Variants in ATP5MC2 observed in about 807,000 individuals in gnomAD.
ATP5MC2 encodes the protein ATP synthase membrane subunit c locus 2, also known as ATP synthase F(0) complex subunit C2, mitochondrial.
ATP5MC2 carries 11 observed loss-of-function variants against 13.5 expected under a neutral mutation model. That is an observed-to-expected ratio of 0.81 (90% CI 0.51 to 1.35). The LOEUF (loss-of-function observed/expected upper bound fraction) is 1.35. ATP5MC2 is among the 40% of genes most tolerant of loss of function. The probability of loss-of-function intolerance (pLI) is 0.00; values close to 1 mark genes in which losing one functional copy is unlikely to be tolerated. For synonymous variants in ATP5MC2, 64 were observed against 69.7 expected, an observed-to-expected ratio of 0.92 and a Z score of 0.41; for missense variants, 132 against 175.0, an observed-to-expected ratio of 0.75 and a Z score of 1.39.
At chr12:53,676,128 C>T (rs757940602), upstream of ATP5MC2, 15 of 1,614,244 alleles carry the variant, frequency 9.3e-6, no homozygotes, top group South Asian at 1.6e-4. Context: ...GCATGCGTGA[C>T]CCGGGCCAAC....
At chr12:53,676,403 C>A, upstream of ATP5MC2, 1 of 621,892 alleles carries the variant, frequency 1.6e-6, no homozygotes, top group Non-Finnish European at 2.7e-6. Context: ...GTCACACTGC[C>A]AAAACAAAAC....
upstream of ATP5MC2, chr12:53,677,523 C>T (rs990945712): frequency 6.6e-6 from 1 of 152,226 alleles, no homozygotes; most frequent in Non-Finnish European, 1.5e-5. Context: ...CACCGATCCT[C>T]CATCTGCATT....
At chr12:53,670,386 T>C (rs1041090935) in intron 2 of ATP5MC2, 3 of 334,436 alleles carry the variant, frequency 9.0e-6, no homozygotes, top group Admixed American at 8.6e-5. Flanking sequence ...CCAAACACCA[T>C]AGTCTGGCCT....
chr12:53,673,606 G>C (rs1275664526), intron 1 of ATP5MC2: 5 of 153,406 alleles, frequency 3.3e-5, no homozygotes, highest in Non-Finnish European at 5.8e-5. Flanking sequence ...GGTAGATCAC[G>C]AGGTCAGGAG....
intron 1 of ATP5MC2, 132 bp downstream of exon 1, chr12:53,675,921 T>C (rs1945250546): frequency 6.7e-6 from 9 of 1,349,148 alleles, no homozygotes; most frequent in Non-Finnish European, 9.0e-6. Flanking sequence ...GGCTAAGGGA[T>C]AGCGGAAGCA....
intron 2 of ATP5MC2, among the ~76,000 whole-genome samples, chr12:53,670,875 G>A (rs1054336018): frequency 1.3e-5 from 2 of 151,704 alleles, no homozygotes; most frequent in East Asian, 1.9e-4. Flanking sequence ...CACCCACCTC[G>A]GCTTCCCAAG....
chr12:53,676,506 G>C (rs923963980), upstream of ATP5MC2: 4 of 270,396 alleles, frequency 1.5e-5, no homozygotes, highest in East Asian at 1.6e-4. Context: ...CCTGCTTTCT[G>C]TCGCGCCGGG....
chr12:53,670,642 G>A (rs1945069851), intron 2 of ATP5MC2, among the ~76,000 whole-genome samples: 2 of 150,232 alleles, frequency 1.3e-5, no homozygotes, highest in South Asian at 4.2e-4. Context: ...TTTTTGAGAC[G>A]GAGTCTTGCT....
upstream of ATP5MC2, chr12:53,676,945 C>T (rs1945292318): frequency 6.6e-6 from 1 of 152,476 alleles, no homozygotes; most frequent in Non-Finnish European, 1.5e-5. Flanking sequence ...TCCTAGGCCT[C>T]CTTGTCTCCC....
intron 1 of ATP5MC2, among the ~76,000 whole-genome samples, chr12:53,675,410 A>G (rs1254442410): frequency 6.6e-6 from 1 of 152,168 alleles, no homozygotes; most frequent in Non-Finnish European, 1.5e-5. Flanking sequence ...GCGTGCCGGG[A>G]TGCGAGAAAG....
rs762726781 is a variant in ATP5MC2 at position 53,669,830 on chromosome 12, A to G, written c.117+41T>C. 1.9e-6 allele frequency: 3 copies of G among 1,600,858 alleles called. No individual in the cohort carries two copies. The Admixed American group carries it at 5.0e-5, about 27-fold the overall frequency. On this transcript the variant is annotated intron_variant, in intron 3 of 4. Transcript: ENST00000394349. ...TTCTGGCAGGTAACCCTCCCCACCC[A>G]TCACCCCCAAAACCACAGTCCCAAC...
At chr12:53,673,255 G>T (rs1201180504) in intron 1 of ATP5MC2, 3 of 152,576 alleles carry the variant, frequency 2.0e-5, no homozygotes, top group African/African-American at 4.8e-5. Flanking sequence ...GGAGGCGGAG[G>T]TTGCAGTGAG....
At chr12:53,675,780 A>T (rs1291865016) in intron 1 of ATP5MC2, among the ~76,000 whole-genome samples, 1 of 152,222 alleles carries the variant, frequency 6.6e-6, no homozygotes, top group Non-Finnish European at 1.5e-5. Flanking sequence ...GACTGGGTGG[A>T]ACAGGTGAAA....
upstream of ATP5MC2, chr12:53,676,254 A>G: frequency 6.3e-7 from 1 of 1,581,964 alleles, no homozygotes; most frequent in South Asian, 1.1e-5. Flanking sequence ...GGCGTTCGAG[A>G]GGAGAAACTA....
intron 1 of ATP5MC2, chr12:53,673,515 T>C (rs142944117): frequency 6.6e-6 from 1 of 152,286 alleles, no homozygotes; most frequent in East Asian, 1.9e-4. Context: ...AGGAACTCTG[T>C]TATTAGTCTA....
chr12:53,668,486 G>C (rs1298246274), intron 4 of ATP5MC2, among the ~76,000 whole-genome samples: 1 of 151,034 alleles, frequency 6.6e-6, no homozygotes, highest in Admixed American at 6.6e-5. Flanking sequence ...TGTATTTTTA[G>C]TAGAGATGGG....
upstream of ATP5MC2, among the ~76,000 whole-genome samples, chr12:53,678,956 G>T (rs550129660): frequency 1.3e-5 from 2 of 152,270 alleles, no homozygotes; most frequent in South Asian, 2.1e-4. Flanking sequence ...TGGTGACGAA[G>T]AAATGAGATT....
At position 53,669,355 on chromosome 12, in the gene ATP5MC2, G is replaced by A. The variant is rs1945026627; in HGVS notation, c.118-14C>T. 1 of 1,606,230 alleles carries A rather than the reference G, an allele frequency of 6.2e-7. No homozygotes were observed. The highest frequency in any genetic ancestry group is 8.5e-7 in the Non-Finnish European group (1 of 1,175,580). On this transcript the variant is annotated splice_polypyrimidine_tract_variant and intron_variant, in intron 3 of 4. Transcript: ENST00000394349. The stretch of plus-strand genomic sequence containing the variant: ...GCTGCTGAGGCTCTGTGAAAAAGAG[G>A]CAGGTAGAAGGTAAAGTTTTTTGCT...
chr12:53,681,095 G>A (rs987142022), upstream of ATP5MC2, among the ~76,000 whole-genome samples: 4 of 151,558 alleles, frequency 2.6e-5, no homozygotes, highest in African/African-American at 9.8e-5. Context: ...TAGTAGATAC[G>A]GAGTTTCACC....
Sources: gnomAD v4.1 joint callset for allele counts (sites outside exome capture counted in the v4.1 genomes callset) on GRCh38, gnomAD v4.1.1 for gene constraint, MANE v1.5 for transcripts, NCBI Gene and HGNC (gene_info 2026-07-23, HGNC 2026-07-21) for gene names.